WWOX: variants seen among roughly 807,000 people sequenced by gnomAD.
The protein encoded by WWOX is WW domain containing oxidoreductase.
In WWOX, 69 loss-of-function variants were observed where a neutral mutation model predicts 46.2. That is an observed-to-expected ratio of 1.49 (90% confidence interval 1.23 to 1.82). The LOEUF is 1.82. WWOX is among the 40% of genes most tolerant of loss of function. The pLI, the probability that WWOX is intolerant of heterozygous loss-of-function variation, is 0.00. For synonymous variants in WWOX, 359 were observed against 202.6 expected (o/e 1.77, Z -6.56); for missense variants, 919 against 542.6 (o/e 1.69, Z -6.89).
At chr16:78,312,517 G>C (rs906291931) in intron 5 of WWOX, among the ~76,000 whole-genome samples, 1 of 151,930 alleles carries the variant, frequency 6.6e-6, no homozygotes, top group Non-Finnish European at 1.5e-5. Flanking sequence ...TGGGATTACA[G>C]GTGCCTGCCA....
intron 8 of WWOX, chr16:78,553,411 G>A (rs887234375): frequency 6.6e-6 from 1 of 152,220 alleles, no homozygotes; most frequent in Non-Finnish European, 1.5e-5. Flanking sequence ...GTCTTTAGGT[G>A]TCTGACCCAT....
chr16:78,720,781 T>C (rs1012388695), intron 8 of WWOX, among the ~76,000 whole-genome samples: 9 of 152,190 alleles, frequency 5.9e-5, no homozygotes, highest in South Asian at 2.1e-4. Context: ...AACTCTATTA[T>C]ACAAGCAGTG....
chr16:78,184,788 A>T (rs1008982330), intron 5 of WWOX, among the ~76,000 whole-genome samples: 10 of 152,178 alleles, frequency 6.6e-5, no homozygotes, highest in Admixed American at 6.5e-4. Context: ...ACTCAGAGAG[A>T]TGTCTGGGAA....
At chr16:78,832,403 T>A (rs564169152) in intron 8 of WWOX, among the ~76,000 whole-genome samples, 1 of 152,180 alleles carries the variant, frequency 6.6e-6, no homozygotes, top group African/African-American at 2.4e-5. Flanking sequence ...ACCGTAACTT[T>A]AGCTACATTC....
intron 8 of WWOX, among the ~76,000 whole-genome samples, chr16:78,499,511 C>A (rs574031321): frequency 6.6e-6 from 1 of 152,178 alleles, no homozygotes; most frequent in African/African-American, 2.4e-5. Flanking sequence ...CAACTAGCAG[C>A]GACTGCAGAT....
chr16:79,175,094 C>G (rs1403144216), intron 8 of WWOX, among the ~76,000 whole-genome samples: 1 of 152,186 alleles, frequency 6.6e-6, no homozygotes, highest in Non-Finnish European at 1.5e-5. Context: ...GATCACTTCT[C>G]TAGTGTTTGG....
chr16:78,799,759 G>T (rs2050836068), intron 8 of WWOX, among the ~76,000 whole-genome samples: 1 of 152,176 alleles, frequency 6.6e-6, no homozygotes. Context: ...AGGGGGAATT[G>T]GGCATGCCAT....
intron 8 of WWOX, among the ~76,000 whole-genome samples, chr16:78,596,779 A>T (rs1282384816): frequency 6.7e-6 from 1 of 149,550 alleles, no homozygotes; most frequent in Non-Finnish European, 1.5e-5. Flanking sequence ...CAGCCATGAA[A>T]ATAAAATGAT....
chr16:78,251,291 C>G (rs755744297), intron 5 of WWOX, among the ~76,000 whole-genome samples: 1 of 152,158 alleles, frequency 6.6e-6, no homozygotes, highest in Non-Finnish European at 1.5e-5. Flanking sequence ...TTCTTATATG[C>G]CCTGGCAAAC....
intron 8 of WWOX, among the ~76,000 whole-genome samples, chr16:78,461,382 C>CA (rs1567586902): frequency 6.6e-6 from 1 of 151,880 alleles, no homozygotes; most frequent in Non-Finnish European, 1.5e-5. Flanking sequence ...AACAAACAAA[C>CA]AAACAAAAAA....
chr16:78,648,761 C>A (rs959932699), intron 8 of WWOX, among the ~76,000 whole-genome samples: 12 of 152,152 alleles, frequency 7.9e-5, no homozygotes, highest in African/African-American at 2.9e-4. Context: ...ATAAAGCTTT[C>A]TTTCTCTCCA....
chr16:78,465,149 A>G, intron 8 of WWOX, among the ~76,000 whole-genome samples: 1 of 152,218 alleles, frequency 6.6e-6, no homozygotes. Flanking sequence ...CTACCATGAC[A>G]CATGGGAGTT....
chr16:79,062,690 C>T (rs532837599), intron 8 of WWOX, among the ~76,000 whole-genome samples: 129 of 152,212 alleles, frequency 8.5e-4, no homozygotes, highest in Non-Finnish European at 1.4e-3. Flanking sequence ...TTCCTATTTC[C>T]CTTGCAAGAG....
chr16:78,262,278 TTAGA>T (rs1032343687), intron 5 of WWOX, among the ~76,000 whole-genome samples: 1 of 151,162 alleles, frequency 6.6e-6, no homozygotes, highest in African/African-American at 2.4e-5. Flanking sequence ...TGTATCTCTG[TTAGA>T]TAGAGAGCAT....
chr16:78,225,137 A>G (rs555023016), intron 5 of WWOX, among the ~76,000 whole-genome samples: 1 of 152,192 alleles, frequency 6.6e-6, no homozygotes, highest in African/African-American at 2.4e-5. Flanking sequence ...GCCTAGATGG[A>G]TAGCCTACTA....
chr16:79,005,587 A>G (rs750555706), intron 8 of WWOX, among the ~76,000 whole-genome samples: 3 of 152,078 alleles, frequency 2.0e-5, no homozygotes, highest in South Asian at 2.1e-4. Context: ...TGTTTGGGGC[A>G]TGTTGTCACC....
chr16:79,159,768 T>C (rs944230214), intron 8 of WWOX, among the ~76,000 whole-genome samples: 2 of 152,314 alleles, frequency 1.3e-5, no homozygotes, highest in African/African-American at 4.8e-5. Flanking sequence ...CGAGAAAAAT[T>C]TGTGGAGTGC....
At chr16:78,140,080 G>C (rs1319790275) in intron 4 of WWOX, among the ~76,000 whole-genome samples, 4 of 152,150 alleles carry the variant, frequency 2.6e-5, no homozygotes, top group Non-Finnish European at 5.9e-5. Context: ...GATGGAAATG[G>C]GGGGATCCAT....
At chr16:78,636,436 A>C (rs1597378409) in intron 8 of WWOX, among the ~76,000 whole-genome samples, 1 of 152,192 alleles carries the variant, frequency 6.6e-6, no homozygotes, top group Non-Finnish European at 1.5e-5. Flanking sequence ...ATTGGGGAAT[A>C]GTTGTTGCAA....
Sources: allele counts gnomAD v4.1 joint callset (sites outside exome capture counted in the v4.1 genomes callset), GRCh38; gene constraint gnomAD v4.1.1; transcripts MANE v1.5; gene names NCBI Gene and HGNC (gene_info 2026-07-23, HGNC 2026-07-21).